Variants in CYTIP observed in about 807,000 individuals in gnomAD.
The protein encoded by CYTIP is cytohesin-interacting protein.
A neutral mutation model predicts 43.8 loss-of-function variants in CYTIP; 26 were observed. That is an observed-to-expected ratio of 0.59 (90% CI 0.44 to 0.82). CYTIP has a LOEUF of 0.82. Among genes scored for constraint, CYTIP ranks in the 40% least tolerant of loss-of-function variants. The pLI, the probability that CYTIP is intolerant of heterozygous loss-of-function variation, is 0.00. For missense variants in CYTIP, 426 were observed against 443.1 expected, an observed-to-expected ratio of 0.96 and a Z score of 0.35; for synonymous variants, 162 against 162.9, an observed-to-expected ratio of 0.99 and a Z score of 0.04.
chr2:157,420,779 T>C (rs368693695), intron 6 of CYTIP, among the ~76,000 whole-genome samples: 2 of 152,152 alleles, frequency 1.3e-5, no homozygotes, highest in African/African-American at 4.8e-5. Flanking sequence ...AGCAAGTGCC[T>C]GGCATACATA....
chr2:157,419,091 C>T (rs1020741676), intron 6 of CYTIP, among the ~76,000 whole-genome samples: 1 of 152,146 alleles, frequency 6.6e-6, no homozygotes, highest in African/African-American at 2.4e-5. Flanking sequence ...CTCCACCTCC[C>T]GGGTTCAAGC....
rs183024898 is a variant in CYTIP, at chr2:157,439,140, T to A, written c.175-4393A>T. On this transcript the variant is annotated intron_variant, in intron 1 of 7. Coordinates refer to ENST00000264192, the MANE Select transcript of CYTIP (RefSeq NM_004288.5). ...TAGCAGATTTTCAGTTCCTGTGGAC[T>A]GACTAATTTGGGTTATCAGCAACAC... 1.9e-5 allele frequency: 3 copies of A among 160,098 alleles called. No individual in the cohort carries two copies. The Admixed American group carries it at 1.9e-4, about 10-fold the overall frequency. 9.9% of individuals were successfully genotyped at this position (160,098 alleles called of 1,614,324 possible). A position where few individuals can be genotyped will look rare whatever the true frequency, so the allele number is the denominator to read the frequency against.
chr2:157,417,749 C>G (rs1685458790), intron 7 of CYTIP, among the ~76,000 whole-genome samples: 1 of 149,948 alleles, frequency 6.7e-6, no homozygotes, highest in South Asian at 2.1e-4. Flanking sequence ...AAATTAGTGA[C>G]TAGTTAAGGA....
chr2:157,418,420 G>T, intron 7 of CYTIP, 103 bp downstream of exon 7: 1 of 1,202,988 alleles, frequency 8.3e-7, no homozygotes, highest in Non-Finnish European at 1.2e-6. Flanking sequence ...ACCAGCACTA[G>T]ACAAATTTTT....
chr2:157,419,632 C>G (rs1212047924), intron 6 of CYTIP, among the ~76,000 whole-genome samples: 4 of 152,184 alleles, frequency 2.6e-5, no homozygotes, highest in Non-Finnish European at 5.9e-5. Context: ...ATTCAGGTCC[C>G]TATAGCAAGC....
chr2:157,430,773 A>C, intron 4 of CYTIP, 87 bp downstream of exon 4: 1 of 1,469,564 alleles, frequency 6.8e-7, no homozygotes, highest in Non-Finnish European at 9.4e-7. Context: ...AACTCAAAGC[A>C]ACAAATACAT....
rs1299812429 is a variant in CYTIP, at chr2:157,415,619, CT to C, written c.*57del. On this transcript the variant is annotated 3_prime_UTR_variant, in exon 8 of 8. Coordinates refer to ENST00000264192, the MANE Select transcript of CYTIP (RefSeq NM_004288.5). ...CTGCACTTTCCCACCAAGCTGGGAT[CT>C]GGGTGAGTCTAGAGATATTTGTGAA... is the stretch of plus-strand genomic sequence containing the variant. The C allele has an allele frequency of 2.5e-6, 3 of 1,219,362 alleles. No individual in the cohort carries two copies. Among genetic ancestry groups the C allele is most frequent in the South Asian group, 2.9e-5 (2 of 69,430 alleles). The allele number at this position is 1,219,362 out of a possible 1,614,324, so 75.5% of individuals were successfully genotyped here. A position where few individuals can be genotyped will look rare whatever the true frequency, so the allele number is the denominator to read the frequency against.
At chr2:157,442,850 T>G (rs1355627709) in intron 1 of CYTIP, among the ~76,000 whole-genome samples, 1 of 152,216 alleles carries the variant, frequency 6.6e-6, no homozygotes, top group Non-Finnish European at 1.5e-5. Context: ...CACATGATTG[T>G]ACATGCAAGA....
At chr2:157,435,291 T>C (rs1003832829) in intron 1 of CYTIP, among the ~76,000 whole-genome samples, 1 of 152,168 alleles carries the variant, frequency 6.6e-6, no homozygotes, top group African/African-American at 2.4e-5. Context: ...ATTCAATACG[T>C]TACTGTTTTT....
chr2:157,423,302 GA>G lies in CYTIP; in HGVS notation c.546+4048del, dbSNP rs942443408. Among the ~76,000 whole-genome samples the G allele has an allele frequency of 1.8e-3, 273 of 147,876 alleles. 1 individual carries two copies. Among genetic ancestry groups the G allele is most frequent in the African/African-American group, 6.5e-3 (265 of 40,498 alleles). On this transcript the variant is annotated intron_variant, in intron 6 of 7. Transcript: ENST00000264192. ...AATCCCGTAGAGAAAGAGTTATCAAGAAAAAAAAAGAAGCATAAAAAGTGGT... is the reference window on the plus strand; with the variant it reads ...AATCCCGTAGAGAAAGAGTTATCAAGAAAAAAAAGAAGCATAAAAAGTGGT...
intron 7 of CYTIP, 113 bp from the exon 8 acceptor site, chr2:157,416,256 C>A (rs1685439584): frequency 1.1e-6 from 1 of 870,222 alleles, no homozygotes; most frequent in Admixed American, 3.0e-5. Flanking sequence ...GTGAAAAATA[C>A]TTTTCACTGA....
At chr2:157,435,228 A>T (rs1398591371) in intron 1 of CYTIP, among the ~76,000 whole-genome samples, 1 of 152,152 alleles carries the variant, frequency 6.6e-6, no homozygotes, top group Non-Finnish European at 1.5e-5. Flanking sequence ...ATGAAACCCA[A>T]ATACTTTATA....
intron 1 of CYTIP, among the ~76,000 whole-genome samples, chr2:157,437,851 A>T (rs996655365): frequency 1.3e-5 from 2 of 152,222 alleles, no homozygotes; most frequent in Non-Finnish European, 2.9e-5. Flanking sequence ...TAGGATAGCT[A>T]TGATCAAAAT....
At chr2:157,431,766 C>G (rs760336237) in intron 3 of CYTIP, among the ~76,000 whole-genome samples, 10 of 152,074 alleles carry the variant, frequency 6.6e-5, no homozygotes, top group Non-Finnish European at 1.3e-4. Flanking sequence ...GAGTAGAGTA[C>G]GTCTTTTAAA....
Position 157,444,058 on chromosome 2 carries a change from T to A in CYTIP, c.-38A>T, listed in dbSNP as rs1685958384. 2 of 1,603,378 alleles carry A rather than the reference T, an allele frequency of 1.2e-6. No homozygotes were observed. The highest frequency in any genetic ancestry group is 1.7e-6 in the Non-Finnish European group (2 of 1,173,554). On this transcript the variant is annotated 5_prime_UTR_variant, in exon 1 of 8. Transcript: ENST00000264192. The stretch of plus-strand genomic sequence containing the variant: ...TCACTCCAGCTAGCACATGGTTGAG[T>A]GGCCTTGCAGGATGGGGGAAGCTAA...
At chr2:157,440,888 T>G (rs561031980) in intron 1 of CYTIP, among the ~76,000 whole-genome samples, 16 of 152,184 alleles carry the variant, frequency 1.1e-4, no homozygotes, top group Admixed American at 6.5e-4. Context: ...TGATAGAGAC[T>G]GTCCTTAATT....
chr2:157,415,389 T>C lies in CYTIP; in HGVS notation c.*288A>G, dbSNP rs1027000057. The C allele has an allele frequency of 1.1e-5, 3 of 267,070 alleles. No individual in the cohort carries two copies. Among genetic ancestry groups the C allele is most frequent in the African/African-American group, 6.7e-5 (3 of 44,878 alleles). The allele number at this position is 267,070 out of a possible 1,614,324, so 16.5% of individuals were successfully genotyped here. On this transcript the variant is annotated 3_prime_UTR_variant, in exon 8 of 8. Transcript: ENST00000264192. Reference sequence around the variant, plus strand: ...TCACAGGGATAATCTAGAAAATAAATATTAGTTTTGCTTTCAAAGACATTA... The same window carrying C: ...TCACAGGGATAATCTAGAAAATAAACATTAGTTTTGCTTTCAAAGACATTA...
At chr2:157,424,829 G>C (rs1383372623) in intron 6 of CYTIP, among the ~76,000 whole-genome samples, 1 of 152,144 alleles carries the variant, frequency 6.6e-6, no homozygotes, top group Non-Finnish European at 1.5e-5. Context: ...ATTATAAATA[G>C]TTTGGGATAA....
At chr2:157,437,683 A>G (rs1450719645) in intron 1 of CYTIP, among the ~76,000 whole-genome samples, 1 of 133,966 alleles carries the variant, frequency 7.5e-6, no homozygotes, top group African/African-American at 2.8e-5. Flanking sequence ...CTGGCGACAG[A>G]GTGAGACTCC....
Sources: gnomAD v4.1 joint callset for allele counts (sites outside exome capture counted in the v4.1 genomes callset) on GRCh38, gnomAD v4.1.1 for gene constraint, MANE v1.5 for transcripts, NCBI Gene and HGNC (gene_info 2026-07-23, HGNC 2026-07-21) for gene names.